Variants in STN1 observed in about 807,000 individuals in gnomAD.
STN1 encodes STN1 subunit of CST complex, also known as CST complex subunit STN1.
STN1 carries 29 observed loss-of-function variants against 45.5 expected under a neutral mutation model. That is an observed-to-expected ratio of 0.64 (90% CI 0.47 to 0.87). The LOEUF (loss-of-function observed/expected upper bound fraction) is 0.87. Ranked by LOEUF, STN1 falls within the 40% of genes least tolerant of loss-of-function variation. The pLI is 0.00. For synonymous variants in STN1, 148 were observed against 159.0 expected (o/e 0.93, Z 0.52); for missense variants, 376 against 441.4 (o/e 0.85, Z 1.33).
chr10:103,913,689 T>A (rs1441755562), intron 2 of STN1, among the ~76,000 whole-genome samples: 1 of 152,134 alleles, frequency 6.6e-6, no homozygotes. Flanking sequence ...TTTTCTTGTA[T>A]CAAAGTGATC....
chr10:103,917,678 G>T (rs964835700), intron 1 of STN1, 22 bp from the exon 2 acceptor site: 1 of 1,485,102 alleles, frequency 6.7e-7, no homozygotes, highest in Non-Finnish European at 9.1e-7. Flanking sequence ...ACAGAAATGA[G>T]GATGCAATGC....
intron 3 of STN1, among the ~76,000 whole-genome samples, chr10:103,906,590 G>A (rs543126277): frequency 2.3e-4 from 35 of 152,300 alleles, no homozygotes; most frequent in African/African-American, 8.4e-4. Flanking sequence ...GAGCCCAGGA[G>A]TTCAAGGCTG....
intron 8 of STN1, 25 bp downstream of exon 8, chr10:103,892,101 GAAAA>G: frequency 6.5e-7 from 1 of 1,541,282 alleles, no homozygotes; most frequent in Non-Finnish European, 8.7e-7. Flanking sequence ...AAGCTACAAA[GAAAA>G]AAAGTTAAGT....
intron 5 of STN1, among the ~76,000 whole-genome samples, chr10:103,899,491 T>C (rs1843192680): frequency 2.0e-5 from 3 of 152,148 alleles, no homozygotes; most frequent in African/African-American, 7.2e-5. Flanking sequence ...GCTCAGAAAT[T>C]TGAGACCAGC....
At chr10:103,914,288 A>T (rs1843309800) in intron 2 of STN1, among the ~76,000 whole-genome samples, 2 of 149,024 alleles carry the variant, frequency 1.3e-5, no homozygotes, top group Admixed American at 1.3e-4. Flanking sequence ...GAGATATTTA[A>T]AACAATAAAT....
At chr10:103,896,080 T>C (rs1472148659) in intron 7 of STN1, among the ~76,000 whole-genome samples, 1 of 152,152 alleles carries the variant, frequency 6.6e-6, no homozygotes, top group Non-Finnish European at 1.5e-5. Flanking sequence ...CTGGTGCTTG[T>C]CTCAGGGGAA....
intron 3 of STN1, among the ~76,000 whole-genome samples, chr10:103,908,404 C>A (rs992549182): frequency 1.4e-4 from 11 of 78,664 alleles, no homozygotes; most frequent in African/African-American, 4.7e-4. Context: ...CTACACAGTA[C>A]CGCCTGGGCC....
chr10:103,900,544 C>A (rs1471607662), intron 4 of STN1, among the ~76,000 whole-genome samples: 1 of 152,186 alleles, frequency 6.6e-6, no homozygotes, highest in East Asian at 1.9e-4. Context: ...GGCCTTGAGA[C>A]AAATTCTGTA....
At chr10:103,888,369 G>A (rs768581721) in intron 9 of STN1, among the ~76,000 whole-genome samples, 6 of 152,156 alleles carry the variant, frequency 3.9e-5, no homozygotes, top group South Asian at 2.1e-4. Context: ...TTGAAAAGTC[G>A]CCTTTAAGAC....
intron 7 of STN1, among the ~76,000 whole-genome samples, chr10:103,895,963 T>C (rs1205631611): frequency 1.3e-5 from 2 of 152,190 alleles, no homozygotes; most frequent in Non-Finnish European, 2.9e-5. Context: ...TGGTGTCTCA[T>C]AGTATACTAC....
chr10:103,916,539 C>G (rs971680717), intron 2 of STN1, among the ~76,000 whole-genome samples: 3 of 152,234 alleles, frequency 2.0e-5, no homozygotes, highest in African/African-American at 7.2e-5. Flanking sequence ...AAAACCTTAT[C>G]TCATTAAAAC....
chr10:103,909,138 T>G (rs1489163000), intron 3 of STN1, among the ~76,000 whole-genome samples: 2 of 151,850 alleles, frequency 1.3e-5, no homozygotes, highest in East Asian at 3.9e-4. Context: ...AAAAGTGCTT[T>G]ACAAACTGAA....
intron 4 of STN1, among the ~76,000 whole-genome samples, chr10:103,900,573 G>A (rs1015203424): frequency 5.9e-5 from 9 of 152,136 alleles, no homozygotes; most frequent in Admixed American, 1.3e-4. Context: ...TCAGCTGGGC[G>A]TGGCAGCAAT....
At chr10:103,893,390 G>C (rs922503349) in intron 7 of STN1, among the ~76,000 whole-genome samples, 2 of 152,042 alleles carry the variant, frequency 1.3e-5, no homozygotes, top group African/African-American at 2.4e-5. Flanking sequence ...GGATGGTCTC[G>C]ATCTCCCGAC....
At position 103,879,351 on chromosome 10, in the gene STN1, C is replaced by G. The variant is rs1589493652; in HGVS notation, c.*3333G>C. On this transcript the variant is annotated 3_prime_UTR_variant, in exon 10 of 10. Coordinates refer to ENST00000224950, the MANE Select transcript of STN1 (RefSeq NM_024928.5). ...AACCATGGAGTGTGTTAGGCAGTAT[C>G]AAGTACTGTGAAGAAAAACGAAGTA... The G allele has an allele frequency of 6.6e-6, 1 of 152,304 alleles. No homozygotes were observed. The highest frequency in any genetic ancestry group is 1.9e-4 in the East Asian group (1 of 5,210). 9.4% of individuals were successfully genotyped at this position (152,304 alleles called of 1,614,324 possible).
chr10:103,899,546 G>A (rs1305995811), intron 5 of STN1, among the ~76,000 whole-genome samples: 1 of 151,938 alleles, frequency 6.6e-6, no homozygotes, highest in Non-Finnish European at 1.5e-5. Context: ...AATTAGCTGG[G>A]TGTGGTGGCG....
Position 103,882,417 on chromosome 10 carries a change from C to T in STN1, c.*267G>A, listed in dbSNP as rs1298918231. On this transcript the variant is annotated 3_prime_UTR_variant, in exon 10 of 10. Coordinates refer to ENST00000224950, the MANE Select transcript of STN1 (RefSeq NM_024928.5). The stretch of plus-strand genomic sequence containing the variant: ...CCTCCCCATTCTGCTCTGCGAACAA[C>T]GCACAGTCCAGCCAGGAGCTCAACA... The T allele has an allele frequency of 5.3e-5, 20 of 380,100 alleles. No homozygotes were observed. The highest frequency in any genetic ancestry group is 1.8e-4 in the African/African-American group (9 of 49,212). The allele number at this position is 380,100 out of a possible 1,614,324, so 23.5% of individuals were successfully genotyped here.
chr10:103,915,420 T>G (rs1843324761), intron 2 of STN1, among the ~76,000 whole-genome samples: 1 of 152,160 alleles, frequency 6.6e-6, no homozygotes, highest in Non-Finnish European at 1.5e-5. Context: ...ACCACCTGAT[T>G]CGCATAAATT....
At chr10:103,897,020 A>G (rs1843175325) in intron 7 of STN1, among the ~76,000 whole-genome samples, 3 of 152,132 alleles carry the variant, frequency 2.0e-5, no homozygotes, top group Admixed American at 2.0e-4. Flanking sequence ...CATCAGCAAA[A>G]TGATTCGCGA....
Sources: allele counts gnomAD v4.1 joint callset (sites outside exome capture counted in the v4.1 genomes callset), GRCh38; gene constraint gnomAD v4.1.1; transcripts MANE v1.5; gene names NCBI Gene and HGNC (gene_info 2026-07-23, HGNC 2026-07-21).